DPP10: variants seen among roughly 807,000 people sequenced by gnomAD.
The protein encoded by DPP10 is inactive dipeptidyl peptidase 10.
A neutral mutation model predicts 120.9 loss-of-function variants in DPP10; 33 were observed. That is an observed-to-expected ratio of 0.27 (90% confidence interval 0.21 to 0.37). DPP10 has a LOEUF of 0.37. DPP10 is among the 10% of genes least tolerant of loss of function. DPP10 has a pLI of 1.00. For missense variants in DPP10, 816 were observed against 942.8 expected (o/e 0.87, Z 1.76); for synonymous variants, 337 against 326.1 (o/e 1.03, Z -0.36).
intron 1 of DPP10, among the ~76,000 whole-genome samples, chr2:114,560,546 C>A (rs1688686413): frequency 6.6e-6 from 1 of 152,128 alleles, no homozygotes; most frequent in African/African-American, 2.4e-5. Flanking sequence ...ACCCTATAGC[C>A]ACACAGGCTT....
intron 3 of DPP10, among the ~76,000 whole-genome samples, chr2:115,347,264 C>T (rs2063755009): frequency 1.3e-5 from 2 of 152,018 alleles, no homozygotes; most frequent in East Asian, 1.9e-4. Flanking sequence ...GGGAGAAACC[C>T]AGCAAAGCTT....
intron 5 of DPP10, among the ~76,000 whole-genome samples, chr2:115,586,939 A>T (rs2082323240): frequency 6.6e-6 from 1 of 152,140 alleles, no homozygotes; most frequent in Non-Finnish European, 1.5e-5. Context: ...GATTTGATAT[A>T]CATATGTAAT....
At chr2:115,458,607 A>G (rs1462774845) in intron 3 of DPP10, among the ~76,000 whole-genome samples, 8 of 152,158 alleles carry the variant, frequency 5.3e-5, no homozygotes, top group Middle Eastern at 3.2e-3. Context: ...TTTAGGTTCA[A>G]TAAAAGCCAA....
At chr2:115,649,644 C>T (rs1185091008) in intron 5 of DPP10, among the ~76,000 whole-genome samples, 1 of 151,968 alleles carries the variant, frequency 6.6e-6, no homozygotes, top group Non-Finnish European at 1.5e-5. Context: ...GGAAGGAATT[C>T]AATCAAATAT....
intron 1 of DPP10, among the ~76,000 whole-genome samples, chr2:115,006,595 C>G (rs1701861053): frequency 6.9e-6 from 1 of 145,868 alleles, no homozygotes; most frequent in Non-Finnish European, 1.5e-5. Flanking sequence ...AGACTTTAAA[C>G]CAACAAAGAT....
intron 2 of DPP10, among the ~76,000 whole-genome samples, chr2:115,315,642 C>T (rs957447276): frequency 3.3e-5 from 5 of 152,048 alleles, no homozygotes; most frequent in African/African-American, 7.2e-5. Flanking sequence ...TTGTAAACAT[C>T]GGCATCAATC....
intron 1 of DPP10, among the ~76,000 whole-genome samples, chr2:114,853,558 A>G (rs1434611368): frequency 6.6e-6 from 1 of 152,238 alleles, no homozygotes; most frequent in East Asian, 1.9e-4. Flanking sequence ...CAATTCTTTG[A>G]AAGGCCATCT....
At chr2:114,629,118 G>A (rs1441765503) in intron 1 of DPP10, among the ~76,000 whole-genome samples, 1 of 152,148 alleles carries the variant, frequency 6.6e-6, no homozygotes, top group Non-Finnish European at 1.5e-5. Context: ...CCAAATTTGT[G>A]AATAACTGGC....
intron 13 of DPP10, among the ~76,000 whole-genome samples, chr2:115,768,813 A>G (rs1406921175): frequency 1.3e-5 from 2 of 152,160 alleles, no homozygotes; most frequent in African/African-American, 4.8e-5. Context: ...CTAAATGTCC[A>G]TCAAAAATTG....
chr2:115,409,299 C>CA (rs1408365711), intron 3 of DPP10, among the ~76,000 whole-genome samples: 5 of 151,842 alleles, frequency 3.3e-5, no homozygotes, highest in Non-Finnish European at 5.9e-5. Flanking sequence ...AGATCTATAT[C>CA]AAAAAAATGA....
At chr2:114,584,096 C>T (rs922411859) in intron 1 of DPP10, among the ~76,000 whole-genome samples, 7 of 152,056 alleles carry the variant, frequency 4.6e-5, no homozygotes, top group African/African-American at 1.2e-4. Flanking sequence ...TTATTCATTT[C>T]GAAAAGCATG....
chr2:114,602,140 TTTGTGGCAGTTAATACA>T (rs1692422473), intron 1 of DPP10, among the ~76,000 whole-genome samples: 1 of 151,918 alleles, frequency 6.6e-6, no homozygotes, highest in Non-Finnish European at 1.5e-5. Flanking sequence ...AATGGTATTT[TTTGTGGCAGTTAATACA>T]CATAGAGCCA....
intron 3 of DPP10, among the ~76,000 whole-genome samples, chr2:115,392,106 G>C (rs1290659740): frequency 1.3e-5 from 2 of 152,090 alleles, no homozygotes; most frequent in East Asian, 3.9e-4. Flanking sequence ...ACAACTATTT[G>C]CTGATATAAT....
chr2:114,882,502 T>C (rs957749995), intron 1 of DPP10, among the ~76,000 whole-genome samples: 1 of 149,130 alleles, frequency 6.7e-6, no homozygotes, highest in Non-Finnish European at 1.5e-5. Flanking sequence ...TTGGGGACTA[T>C]GGAAGAAGAA....
chr2:115,411,409 A>G (rs2068947478), intron 3 of DPP10, among the ~76,000 whole-genome samples: 1 of 110,124 alleles, frequency 9.1e-6, no homozygotes, highest in Non-Finnish European at 2.4e-5. Flanking sequence ...TCAAAATTGT[A>G]GAACAACTGG....
chr2:114,937,106 CTATT>C (rs1359675112), intron 1 of DPP10, among the ~76,000 whole-genome samples: 1 of 152,040 alleles, frequency 6.6e-6, no homozygotes, highest in Non-Finnish European at 1.5e-5. Context: ...TAAGTTCCAT[CTATT>C]TATCTTTGGT....
At chr2:115,711,649 A>G (rs1426443396) in intron 7 of DPP10, among the ~76,000 whole-genome samples, 1 of 152,094 alleles carries the variant, frequency 6.6e-6, no homozygotes, top group Non-Finnish European at 1.5e-5. Flanking sequence ...GTGGATTTTG[A>G]TTGAAACAAG....
At chr2:115,100,648 A>G (rs1262500060) in intron 1 of DPP10, among the ~76,000 whole-genome samples, 4 of 152,138 alleles carry the variant, frequency 2.6e-5, no homozygotes, top group Admixed American at 6.5e-5. Flanking sequence ...GCGGTAACTA[A>G]GATGGCATAT....
At chr2:115,756,516 G>A (rs937045587) in intron 11 of DPP10, among the ~76,000 whole-genome samples, 2 of 151,788 alleles carry the variant, frequency 1.3e-5, no homozygotes, top group Admixed American at 1.3e-4. Context: ...AATGTATGAA[G>A]AGGAAGAATA....
Sources: allele counts gnomAD v4.1 joint callset (sites outside exome capture counted in the v4.1 genomes callset), GRCh38; gene constraint gnomAD v4.1.1; transcripts MANE v1.5; gene names NCBI Gene and HGNC (gene_info 2026-07-23, HGNC 2026-07-21).